Variants in CHST1 observed in about 807,000 individuals in gnomAD.
CHST1 encodes the protein carbohydrate sulfotransferase 1.
A neutral mutation model predicts 22.5 loss-of-function variants in CHST1; 10 were observed. The ratio of observed to expected loss-of-function variants is 0.44; its 90% CI spans 0.27 to 0.75. CHST1 has a LOEUF of 0.75. Among genes scored for constraint, CHST1 ranks in the 30% least tolerant of loss-of-function variants. The pLI, the probability that CHST1 is intolerant of heterozygous loss-of-function variation, is 0.15. For missense variants in CHST1, 439 were observed against 576.1 expected, an observed-to-expected ratio of 0.76 and a Z score of 2.44; for synonymous variants, 267 against 264.5, an observed-to-expected ratio of 1.01 and a Z score of -0.09.
intron 1 of CHST1, among the ~76,000 whole-genome samples, chr11:45,663,784 G>C (rs947640219): frequency 1.3e-5 from 2 of 152,248 alleles, no homozygotes; most frequent in South Asian, 4.1e-4. Context: ...CTCCTGCAGG[G>C]GTTCAAGGCT....
chr11:45,663,873 C>T (rs1852164835), intron 1 of CHST1, among the ~76,000 whole-genome samples: 4 of 152,154 alleles, frequency 2.6e-5, no homozygotes, highest in Admixed American at 2.6e-4. Flanking sequence ...AGGTTGGAAG[C>T]CTGATACCTC....
At position 45,649,680 on chromosome 11, in the gene CHST1, C is replaced by T. The variant is rs1191743023; in HGVS notation, c.*8G>A. On this transcript the variant is annotated 3_prime_UTR_variant, in exon 4 of 4. Transcript: ENST00000308064. ...TTGCGCCTCCCGCCCCCACCCGCAC[C>T]GCCCGGGTCACGAGAAGGGGCGGAA... 2.6e-6 allele frequency: 4 copies of T among 1,544,786 alleles called. No individual in the cohort carries two copies. The highest frequency in any genetic ancestry group is 4.5e-5 in the East Asian group (2 of 44,260).
Position 45,649,801 on chromosome 11 carries a change from C to T in CHST1, c.1123G>A (p.Ala375Thr). ...AGCTGGGCCAGCACCTGCTGGCAGG[C>T]GTTCTGGGCAAAGGCCACGATGTCG... ...SYDIVAFAQN[A>T]CQQVLAQLGY... Residue 375 changes from alanine to threonine, a missense_variant, in exon 4 of 4, where the codon GCC becomes ACC. Transcript: ENST00000308064. 1 of 1,611,888 alleles carries T rather than the reference C, an allele frequency of 6.2e-7. No individual in the cohort carries two copies. Among genetic ancestry groups the T allele is most frequent in the Non-Finnish European group, 8.5e-7 (1 of 1,179,918 alleles).
chr11:45,656,774 C>T (rs1227702672), intron 1 of CHST1, among the ~76,000 whole-genome samples: 1 of 151,018 alleles, frequency 6.6e-6, no homozygotes, highest in Non-Finnish European at 1.5e-5. Context: ...TCCAAGGCAC[C>T]AGGGTCAAAG....
intron 1 of CHST1, among the ~76,000 whole-genome samples, chr11:45,663,108 A>G (rs7121848): frequency 0.96 from 146,250 of 152,176 alleles, 70,293 homozygotes; most frequent in East Asian, 1. Context: ...CTCCCTCCCC[A>G]CACCAATGCA....
chr11:45,648,391 A>G lies in CHST1; in HGVS notation c.*1297T>C, dbSNP rs1384611460. Among the ~76,000 whole-genome samples the G allele has an allele frequency of 6.6e-6, 1 of 152,098 alleles. No homozygotes were observed. Among genetic ancestry groups the G allele is most frequent in the Non-Finnish European group, 1.5e-5 (1 of 67,992 alleles). On this transcript the variant is annotated 3_prime_UTR_variant, in exon 4 of 4. Transcript: ENST00000308064. ...ACCCGGTCTCAACTGACTGAAGGAA[A>G]AAAAAAACGGCTGGGTGAGGTGGCT...
At position 45,649,703 on chromosome 11, in the gene CHST1, G is replaced by A. The variant is rs1437253376; in HGVS notation, c.1221C>T (p.Phe407=). The A allele has an allele frequency of 6.3e-7, 1 of 1,578,770 alleles. No individual in the cohort carries two copies. The highest frequency in any genetic ancestry group is 8.6e-7 in the Non-Finnish European group (1 of 1,164,830). Residue 407 remains phenylalanine (F), a synonymous_variant, in exon 4 of 4, where the codon TTC becomes TTT. Coordinates refer to ENST00000308064, the MANE Select transcript of CHST1 (RefSeq NM_003654.6). ...PSVSLVEERD[F]RPFS is the part of the protein sequence containing the mutation. ...ACCGCCCGGGTCACGAGAAGGGGCG[G>A]AAGTCCCGCTCCTCCACCAGGCTGA... is the stretch of plus-strand genomic sequence containing the variant.
At position 45,649,464 on chromosome 11, in the gene CHST1, G is replaced by T. The variant is rs1446498190; in HGVS notation, c.*224C>A. On this transcript the variant is annotated 3_prime_UTR_variant, in exon 4 of 4. Transcript: ENST00000308064. ...ATGTGTCTGAATGGGGGGGGGGGGG[G>T]CGGGACCCTACTTCAGGCGCCCTCT... The T allele has an allele frequency of 1.9e-6, 1 of 514,788 alleles. No homozygotes were observed. Among genetic ancestry groups the T allele is most frequent in the Non-Finnish European group, 3.4e-6 (1 of 296,118 alleles). 31.9% of individuals were successfully genotyped at this position (514,788 alleles called of 1,614,324 possible).
chr11:45,664,958 G>A (rs1374320054), intron 1 of CHST1, among the ~76,000 whole-genome samples: 1 of 152,132 alleles, frequency 6.6e-6, no homozygotes, highest in African/African-American at 2.4e-5. Flanking sequence ...GGGGCAGGGA[G>A]GGCTGAGGTG....
Position 45,650,627 on chromosome 11 carries a change from C to G in CHST1, c.297G>C (p.Thr99=). 1.2e-6 allele frequency: 2 copies of G among 1,614,040 alleles called. No homozygotes were observed. Among genetic ancestry groups the G allele is most frequent in the South Asian group, 2.2e-5 (2 of 91,072 alleles). The change falls in exon 4 of 4, where the codon ACG becomes ACC. Residue 99 remains threonine (T), a synonymous_variant. Coordinates refer to ENST00000308064, the MANE Select transcript of CHST1 (RefSeq NM_003654.6). ...TGCCCTGGGTGAAGCGGGGGATGAGCGTGTTCTGGACGTGGTAGAGGGGCT... is the reference window on the plus strand; with the variant it reads ...TGCCCTGGGTGAAGCGGGGGATGAGGGTGTTCTGGACGTGGTAGAGGGGCT... ...LFEPLYHVQN[T]LIPRFTQGKS...
At chr11:45,661,663 G>T (rs570881366) in intron 1 of CHST1, among the ~76,000 whole-genome samples, 33 of 152,354 alleles carry the variant, frequency 2.2e-4, no homozygotes, top group Admixed American at 4.6e-4. Context: ...GAAAGAGAAG[G>T]GTCGGCAGCT....
chr11:45,662,553 G>A (rs569380705), intron 1 of CHST1, among the ~76,000 whole-genome samples: 1 of 152,214 alleles, frequency 6.6e-6, no homozygotes, highest in African/African-American at 2.4e-5. Flanking sequence ...CTGGGACCTA[G>A]GGTAAGGATC....
Position 45,649,702 on chromosome 11 carries a change from G to A in CHST1, c.1222C>T (p.Arg408Cys), listed in dbSNP as rs997509775. 1 of 1,577,802 alleles carries A rather than the reference G, an allele frequency of 6.3e-7. No homozygotes were observed. The highest frequency in any genetic ancestry group is 8.6e-7 in the Non-Finnish European group (1 of 1,164,338). ...SVSLVEERDFRPFS is the reference protein window; with the variant it reads ...SVSLVEERDFCPFS Reference sequence around the variant, plus strand: ...CACCGCCCGGGTCACGAGAAGGGGCGGAAGTCCCGCTCCTCCACCAGGCTG... The same window carrying A: ...CACCGCCCGGGTCACGAGAAGGGGCAGAAGTCCCGCTCCTCCACCAGGCTG... The change falls in exon 4 of 4, where the codon CGC (arginine) becomes TGC (cysteine). Residue 408 changes from arginine to cysteine, a missense_variant. Physicochemically the swap from Arg to Cys is radical, Grantham distance 180. Coordinates refer to ENST00000308064, the MANE Select transcript of CHST1 (RefSeq NM_003654.6).
intron 1 of CHST1, among the ~76,000 whole-genome samples, chr11:45,660,094 C>G (rs921213156): frequency 6.6e-6 from 1 of 152,228 alleles, no homozygotes; most frequent in Non-Finnish European, 1.5e-5. Flanking sequence ...AACACAATGG[C>G]GGCTGCTCAT....
In CHST1 at chr11:45,649,880, G is replaced by A. The variant is rs773865734; in HGVS notation, c.1044C>T (p.Gly348=). 6.8e-6 allele frequency: 11 copies of A among 1,611,166 alleles called. No homozygotes were observed. Among genetic ancestry groups the A allele is most frequent in the Non-Finnish European group, 8.5e-6 (10 of 1,179,988 alleles). ...CCGTGGCCGCCGAGTTTCGCACGGTGCCGTATTTGTGCTTGCCCAGGGTGG... is the reference window on the plus strand; with the variant it reads ...CCGTGGCCGCCGAGTTTCGCACGGTACCGTATTTGTGCTTGCCCAGGGTGG... ...GDPTLGKHKY[G]TVRNSAATAE... The change falls in exon 4 of 4, where the codon GGC becomes GGT. Residue 348 remains glycine (G), a synonymous_variant. Coordinates refer to ENST00000308064, the MANE Select transcript of CHST1 (RefSeq NM_003654.6).
rs1001961016 is a variant in CHST1, at chr11:45,650,790, C to T, written c.134G>A (p.Arg45Gln). Residue 45 changes from arginine (R) to glutamine (Q), a missense_variant, in exon 4 of 4, where the codon CGA (arginine) becomes CAA (glutamine). Physicochemically the swap from Arg to Gln is conservative, Grantham distance 43 (BLOSUM62 1). Coordinates refer to ENST00000308064, the MANE Select transcript of CHST1 (RefSeq NM_003654.6). The stretch of plus-strand genomic sequence containing the variant: ...GAAGGTGGGGCTCTCCTCGCACAGT[C>T]GCTCGGCCAGCCCGGCCTCTGCCAG... ...PGLAEAGLAE[R>Q]LCEESPTFAY... 15 of 1,613,572 alleles carry T rather than the reference C, an allele frequency of 9.3e-6. No individual in the cohort carries two copies. The highest frequency in any genetic ancestry group is 1.1e-5 in the Non-Finnish European group (13 of 1,179,736).
At chr11:45,664,261 T>C (rs1157936889) in intron 1 of CHST1, among the ~76,000 whole-genome samples, 2 of 152,162 alleles carry the variant, frequency 1.3e-5, no homozygotes, top group African/African-American at 4.8e-5. Flanking sequence ...TCCAGCTCCC[T>C]GTCAATGGCC....
intron 1 of CHST1, among the ~76,000 whole-genome samples, chr11:45,658,783 C>A (rs572836475): frequency 6.8e-6 from 1 of 146,154 alleles, no homozygotes; most frequent in East Asian, 2.1e-4. Context: ...GGAAAAGCCC[C>A]GGTTTCCTGT....
chr11:45,654,321 C>G (rs1431075142), intron 1 of CHST1, among the ~76,000 whole-genome samples: 1 of 152,230 alleles, frequency 6.6e-6, no homozygotes, highest in Non-Finnish European at 1.5e-5. Context: ...GAGACTCGGC[C>G]TCACAAGGTG....
Sources: gnomAD v4.1 joint callset for allele counts (sites outside exome capture counted in the v4.1 genomes callset) on GRCh38, gnomAD v4.1.1 for gene constraint, MANE v1.5 for transcripts, NCBI Gene and HGNC (gene_info 2026-07-23, HGNC 2026-07-21) for gene names.